Variants in QTMAN observed in about 807,000 individuals in gnomAD.
The protein encoded by QTMAN is queuosine-tRNA mannosyltransferase.
At chr2:144,265,939 A>G in the QTMAN span, among the ~76,000 whole-genome samples, 1 of 152,168 alleles carries the variant, frequency 6.6e-6, no homozygotes, top group Non-Finnish European at 1.5e-5. Flanking sequence ...CTCTCCAACA[A>G]GGCCCACACA....
the QTMAN span, among the ~76,000 whole-genome samples, chr2:144,302,062 A>C: frequency 6.6e-6 from 1 of 152,084 alleles, no homozygotes; most frequent in South Asian, 2.1e-4. Flanking sequence ...ACCTAGCTAT[A>C]AGCCTCTGAG....
the QTMAN span, among the ~76,000 whole-genome samples, chr2:143,971,730 C>T: frequency 6.6e-6 from 1 of 151,930 alleles, no homozygotes; most frequent in East Asian, 1.9e-4. Context: ...TTCTTTTTTA[C>T]ATTATGAAAA....
chr2:144,151,093 G>C, the QTMAN span, among the ~76,000 whole-genome samples: 6 of 152,114 alleles, frequency 3.9e-5, no homozygotes, highest in Admixed American at 3.9e-4. Flanking sequence ...ACAATAGGAA[G>C]AGCTGGAAGG....
the QTMAN span, among the ~76,000 whole-genome samples, chr2:144,240,672 G>A: frequency 6.6e-6 from 1 of 152,202 alleles, no homozygotes; most frequent in Non-Finnish European, 1.5e-5. Flanking sequence ...CCACCCTAGA[G>A]ATTGATGAAG....
the QTMAN span, among the ~76,000 whole-genome samples, chr2:144,198,010 T>C: frequency 1.3e-5 from 2 of 152,222 alleles, no homozygotes; most frequent in Non-Finnish European, 2.9e-5. Flanking sequence ...GAGGATAACT[T>C]GAGGCTAAGA....
At chr2:144,204,932 G>A in the QTMAN span, among the ~76,000 whole-genome samples, 1 of 136,562 alleles carries the variant, frequency 7.3e-6, no homozygotes, top group East Asian at 2.2e-4. Flanking sequence ...TCATAGGTGG[G>A]AATTGAACAA....
At chr2:143,972,737 T>G in the QTMAN span, among the ~76,000 whole-genome samples, 1 of 152,180 alleles carries the variant, frequency 6.6e-6, no homozygotes, top group South Asian at 2.1e-4. Flanking sequence ...TTGTTTAAAC[T>G]GTAATATATG....
At chr2:144,027,160 C>A in the QTMAN span, among the ~76,000 whole-genome samples, 1 of 152,110 alleles carries the variant, frequency 6.6e-6, no homozygotes, top group Non-Finnish European at 1.5e-5. Flanking sequence ...TCTGGTCATT[C>A]ATTGACAGAA....
chr2:144,200,601 G>T, the QTMAN span, among the ~76,000 whole-genome samples: 1 of 152,180 alleles, frequency 6.6e-6, no homozygotes, highest in African/African-American at 2.4e-5. Flanking sequence ...AAGCTGTCCT[G>T]GGCCAAAGGC....
chr2:144,128,704 A>T, the QTMAN span, among the ~76,000 whole-genome samples: 1 of 151,586 alleles, frequency 6.6e-6, no homozygotes, highest in African/African-American at 2.4e-5. Context: ...CAGATAACAG[A>T]TTTGGATGGG....
the QTMAN span, among the ~76,000 whole-genome samples, chr2:144,169,389 A>G: frequency 6.6e-6 from 1 of 152,176 alleles, no homozygotes; most frequent in Non-Finnish European, 1.5e-5. Flanking sequence ...GTTTTGCCAA[A>G]GTTGGTTCAC....
chr2:144,139,677 A>C, the QTMAN span, among the ~76,000 whole-genome samples: 1 of 152,070 alleles, frequency 6.6e-6, no homozygotes, highest in Non-Finnish European at 1.5e-5. Flanking sequence ...GGCAGGAGAT[A>C]AGTGAGGAAG....
the QTMAN span, among the ~76,000 whole-genome samples, chr2:144,241,774 G>T: frequency 1.3e-5 from 2 of 151,840 alleles, no homozygotes; most frequent in South Asian, 4.2e-4. Flanking sequence ...GTGTGTAAGT[G>T]TGTACAGTAT....
chr2:144,167,225 T>G, the QTMAN span, among the ~76,000 whole-genome samples: 1 of 152,110 alleles, frequency 6.6e-6, no homozygotes, highest in South Asian at 2.1e-4. Flanking sequence ...ATCAGAAGGG[T>G]TTGTCTTTAG....
At chr2:144,141,866 A>G in the QTMAN span, 1 of 1,569,040 alleles carries the variant, frequency 6.4e-7, no homozygotes, top group Non-Finnish European at 8.7e-7. Context: ...TTGAGAACAG[A>G]GTCAAACATA....
the QTMAN span, among the ~76,000 whole-genome samples, chr2:144,000,030 A>G: frequency 1.3e-5 from 2 of 152,102 alleles, no homozygotes; most frequent in African/African-American, 4.8e-5. Flanking sequence ...TTTATTTTCC[A>G]TATGTTCAAT....
the QTMAN span, among the ~76,000 whole-genome samples, chr2:144,175,612 TA>T: frequency 6.6e-6 from 1 of 152,112 alleles, no homozygotes; most frequent in African/African-American, 2.4e-5. Flanking sequence ...CCTTTCTATA[TA>T]AAGATATATA....
chr2:144,192,844 T>C, the QTMAN span, among the ~76,000 whole-genome samples: 5 of 152,252 alleles, frequency 3.3e-5, no homozygotes, highest in Non-Finnish European at 5.9e-5. Context: ...CTAAAGCCGG[T>C]ATCAATTTGA....
the QTMAN span, among the ~76,000 whole-genome samples, chr2:144,295,033 C>T: frequency 2.0e-5 from 3 of 152,270 alleles, no homozygotes; most frequent in South Asian, 6.2e-4. Flanking sequence ...GTCAATATGA[C>T]ACACAGAAGT....
Sources: gnomAD v4.1 joint callset for allele counts (sites outside exome capture counted in the v4.1 genomes callset) on GRCh38, gnomAD v4.1.1 for gene constraint, MANE v1.5 for transcripts, NCBI Gene and HGNC (gene_info 2026-07-23, HGNC 2026-07-21) for gene names.